The following BICC1 variants were observed in gnomAD, a reference collection of about 807,000 sequenced individuals.
BICC1 encodes protein bicaudal C homolog 1.
BICC1 carries 43 observed loss-of-function variants against 111.0 expected under a neutral mutation model. The observed-to-expected ratio is 0.39, with a 90% CI of 0.30 to 0.50. BICC1 has a LOEUF of 0.50. Ranked by LOEUF, BICC1 falls within the 20% of genes least tolerant of loss-of-function variation. The pLI, the probability that BICC1 is intolerant of heterozygous loss-of-function variation, is 0.88. For missense variants in BICC1, 1,091 were observed against 1,203.2 expected (o/e 0.91, Z 1.38); for synonymous variants, 467 against 434.4 (o/e 1.07, Z -0.93).
intron 1 of BICC1, among the ~76,000 whole-genome samples, chr10:58,568,449 C>T (rs1649043): frequency 0.46 from 69,545 of 151,986 alleles, 16,995 homozygotes; most frequent in Admixed American, 0.62. Context: ...CCTTCTAAAG[C>T]TAATTCTGTA....
intron 3 of BICC1, among the ~76,000 whole-genome samples, chr10:58,722,971 C>A (rs1840987210): frequency 6.6e-6 from 1 of 152,130 alleles, no homozygotes; most frequent in Non-Finnish European, 1.5e-5. Context: ...TAGTTTTGGG[C>A]TTGTTCACCT....
chr10:58,792,976 GGC>G (rs1245591202), intron 8 of BICC1, among the ~76,000 whole-genome samples: 2 of 152,032 alleles, frequency 1.3e-5, no homozygotes, highest in Non-Finnish European at 2.9e-5. Flanking sequence ...TTGGGAGGCT[GGC>G]CTAACCTGGA....
At chr10:58,684,281 A>G (rs1839637819) in intron 2 of BICC1, among the ~76,000 whole-genome samples, 2 of 152,126 alleles carry the variant, frequency 1.3e-5, no homozygotes. Context: ...GTTTGCCAGT[A>G]TTTTATTGAG....
intron 1 of BICC1, among the ~76,000 whole-genome samples, chr10:58,526,296 G>A (rs958427960): frequency 6.6e-6 from 1 of 151,930 alleles, no homozygotes; most frequent in Non-Finnish European, 1.5e-5. Flanking sequence ...AATTAGGGTT[G>A]TTGTAAGGTC....
intron 8 of BICC1, among the ~76,000 whole-genome samples, chr10:58,790,340 T>A (rs1353378355): frequency 1.3e-5 from 2 of 152,042 alleles, no homozygotes. Context: ...AATTTCACCA[T>A]CAAAGACAAA....
chr10:58,745,590 G>C, intron 3 of BICC1, among the ~76,000 whole-genome samples: 1 of 99,494 alleles, frequency 1.0e-5, no homozygotes, highest in African/African-American at 3.4e-5. Context: ...CCAGCTCTAA[G>C]AGCCCCCCAC....
At chr10:58,516,086 CAAGT>C (rs889157404) in intron 1 of BICC1, among the ~76,000 whole-genome samples, 2 of 151,964 alleles carry the variant, frequency 1.3e-5, no homozygotes, top group Admixed American at 6.6e-5. Context: ...TGAAAAGTGC[CAAGT>C]AAGTAAAGTC....
At chr10:58,519,068 A>T (rs1472168850) in intron 1 of BICC1, among the ~76,000 whole-genome samples, 1 of 152,180 alleles carries the variant, frequency 6.6e-6, no homozygotes, top group Non-Finnish European at 1.5e-5. Flanking sequence ...TCACCTAATG[A>T]GAAGTCTGGG....
chr10:58,563,362 G>A (rs1843664364), intron 1 of BICC1, among the ~76,000 whole-genome samples: 1 of 152,126 alleles, frequency 6.6e-6, no homozygotes, highest in African/African-American at 2.4e-5. Flanking sequence ...ACTCCGCTTA[G>A]TCCTCTGTGA....
intron 3 of BICC1, among the ~76,000 whole-genome samples, chr10:58,735,134 A>G (rs1328204627): frequency 6.6e-6 from 1 of 152,254 alleles, no homozygotes; most frequent in Non-Finnish European, 1.5e-5. Context: ...AGAGAAAACA[A>G]TTTACAAAAA....
At chr10:58,814,033 A>G (rs1844003843) in intron 18 of BICC1, 47 bp downstream of exon 18, 7 of 1,607,718 alleles carry the variant, frequency 4.4e-6, no homozygotes, top group Non-Finnish European at 6.0e-6. Flanking sequence ...CCAGATTAGA[A>G]TGTGTTTATT....
chr10:58,609,202 T>G (rs1007420464), intron 1 of BICC1, among the ~76,000 whole-genome samples: 2 of 152,160 alleles, frequency 1.3e-5, no homozygotes, highest in Non-Finnish European at 2.9e-5. Flanking sequence ...ATGTTACATA[T>G]TTTATTCAAA....
At chr10:58,567,898 G>C (rs1049251978) in intron 1 of BICC1, among the ~76,000 whole-genome samples, 2 of 152,096 alleles carry the variant, frequency 1.3e-5, no homozygotes, top group African/African-American at 4.8e-5. Context: ...TGTAAGTGCA[G>C]AGGCTTCAAT....
chr10:58,791,993 T>C (rs1031250115), intron 8 of BICC1, among the ~76,000 whole-genome samples: 1 of 152,064 alleles, frequency 6.6e-6, no homozygotes, highest in African/African-American at 2.4e-5. Flanking sequence ...GGTTTCACTA[T>C]GTTGGCCAGG....
At chr10:58,774,776 C>T (rs978727331) in intron 3 of BICC1, among the ~76,000 whole-genome samples, 6 of 151,902 alleles carry the variant, frequency 3.9e-5, no homozygotes, top group African/African-American at 7.3e-5. Context: ...AGACCTTTGC[C>T]GATTTTATTT....
At chr10:58,572,364 G>A (rs1589109446) in intron 1 of BICC1, among the ~76,000 whole-genome samples, 1 of 151,820 alleles carries the variant, frequency 6.6e-6, no homozygotes, top group East Asian at 1.9e-4. Flanking sequence ...CTTTTGTTGT[G>A]ACACGTCTTC....
At chr10:58,688,814 G>A (rs1004773648) in intron 2 of BICC1, among the ~76,000 whole-genome samples, 18 of 152,076 alleles carry the variant, frequency 1.2e-4, no homozygotes, top group African/African-American at 4.3e-4. Flanking sequence ...TCACTCATAA[G>A]TGGGAGCTGA....
intron 1 of BICC1, among the ~76,000 whole-genome samples, chr10:58,610,806 T>G (rs1845394713): frequency 6.6e-6 from 1 of 152,194 alleles, no homozygotes; most frequent in Non-Finnish European, 1.5e-5. Context: ...ATTTCTGTCT[T>G]CTTTGGCTAG....
chr10:58,659,601 A>G (rs958971555), intron 2 of BICC1, among the ~76,000 whole-genome samples: 2 of 152,010 alleles, frequency 1.3e-5, no homozygotes, highest in Non-Finnish European at 2.9e-5. Flanking sequence ...AAAACTACCT[A>G]ATTGGATTCT....
Sources: allele counts gnomAD v4.1 joint callset (sites outside exome capture counted in the v4.1 genomes callset), GRCh38; gene constraint gnomAD v4.1.1; transcripts MANE v1.5; gene names NCBI Gene and HGNC (gene_info 2026-07-23, HGNC 2026-07-21).